CMC1: variants seen among roughly 807,000 people sequenced by gnomAD.
The protein encoded by CMC1 is C-X9-C motif containing 1.
A neutral mutation model predicts 14.1 loss-of-function variants in CMC1; 14 were observed. The ratio of observed to expected loss-of-function variants is 0.99; its 90% CI spans 0.66 to 1.55. The LOEUF is 1.55. Among genes scored for constraint, CMC1 ranks in the 40% most tolerant of loss-of-function variants. The pLI is 0.00. For missense variants in CMC1, 127 were observed against 123.8 expected (o/e 1.03, Z -0.12); for synonymous variants, 50 against 38.4 (o/e 1.30, Z -1.12).
intron 1 of CMC1, 21 bp from the exon 2 acceptor site, chr3:28,263,270 G>C: frequency 6.4e-7 from 1 of 1,550,622 alleles, no homozygotes; most frequent in Non-Finnish European, 8.8e-7. Flanking sequence ...CTTTATTAAA[G>C]AAAGATCTTT....
At chr3:28,252,218 C>G (rs1247687233) in intron 1 of CMC1, among the ~76,000 whole-genome samples, 1 of 152,130 alleles carries the variant, frequency 6.6e-6, no homozygotes, top group Non-Finnish European at 1.5e-5. Flanking sequence ...GAAATAGGTG[C>G]TATTGGGAAA....
At chr3:28,299,216 G>A (rs1701897452) in intron 2 of CMC1, among the ~76,000 whole-genome samples, 1 of 152,026 alleles carries the variant, frequency 6.6e-6, no homozygotes, top group Non-Finnish European at 1.5e-5. Flanking sequence ...CCATGCTATG[G>A]TAGAGTAGAA....
rs1366638817 is a variant in CMC1, at chr3:28,263,289, A to G, written c.20-2A>G. On this transcript the variant is annotated splice_acceptor_variant, in intron 1 of 3. Coordinates refer to ENST00000466830, the MANE Select transcript of CMC1 (RefSeq NM_182523.2). LOFTEE classifies it high-confidence loss of function. ...ATTAAAGAAAGATCTTTTTTTTTTC[A>G]GACCAGCATCTCAGACATGTCGAAA... 3.8e-6 allele frequency: 6 copies of G among 1,580,194 alleles called. No homozygotes were observed. Among genetic ancestry groups the G allele is most frequent in the Non-Finnish European group, 5.1e-6 (6 of 1,166,988 alleles).
At chr3:28,254,001 A>C (rs1208461652) in intron 1 of CMC1, among the ~76,000 whole-genome samples, 1 of 152,228 alleles carries the variant, frequency 6.6e-6, no homozygotes, top group African/African-American at 2.4e-5. Context: ...GCAAGAACAC[A>C]TGAGCCCCAA....
chr3:28,282,563 T>C (rs1700955653), intron 2 of CMC1, among the ~76,000 whole-genome samples: 1 of 152,192 alleles, frequency 6.6e-6, no homozygotes, highest in African/African-American at 2.4e-5. Context: ...AAGAACATAT[T>C]TTAGCTATGT....
chr3:28,324,409 G>A lies in CMC1; in HGVS notation c.*4780G>A. 2.0e-5 allele frequency: 31 copies of A among 1,542,116 alleles called. No individual in the cohort carries two copies. The highest frequency in any genetic ancestry group is 2.7e-5 in the Non-Finnish European group (31 of 1,143,396). Reference sequence around the variant, plus strand: ...AGTAAAATTCATCAAGTGCAGTTTTGTGCTGTCTCTTCCAAGGTCTTCACT... The same window carrying A: ...AGTAAAATTCATCAAGTGCAGTTTTATGCTGTCTCTTCCAAGGTCTTCACT... On this transcript the variant is annotated 3_prime_UTR_variant, in exon 4 of 4. Transcript: ENST00000466830.
chr3:28,264,883 C>T (rs887094607), intron 2 of CMC1, among the ~76,000 whole-genome samples: 2 of 152,046 alleles, frequency 1.3e-5, no homozygotes, highest in African/African-American at 2.4e-5. Context: ...AGAAAGCTAG[C>T]TAACTCAATT....
At position 28,282,779 on chromosome 3, in the gene CMC1, C is replaced by G. The variant is rs1009937356; in HGVS notation, c.109+19399C>G. Among the ~76,000 whole-genome samples the G allele has an allele frequency of 3.3e-5, 5 of 152,134 alleles. No homozygotes were observed. In the East Asian group the frequency reaches 9.6e-4, roughly 29 times the overall value. Reference sequence around the variant, plus strand: ...CTGTTTACATTTAACTTTTTCATCCCTTTGATTCTTCATCATAACCTTAAA... The same window carrying G: ...CTGTTTACATTTAACTTTTTCATCCGTTTGATTCTTCATCATAACCTTAAA... On this transcript the variant is annotated intron_variant, in intron 2 of 3. Transcript: ENST00000466830.
In CMC1 at chr3:28,248,478, C is replaced by T. The variant is rs186361374; in HGVS notation, c.19+6666C>T. 3.8e-3 allele frequency among the ~76,000 whole-genome samples: 577 copies of T among 151,844 alleles called. 8 individuals carry two copies. The highest frequency in any genetic ancestry group is 0.013 in the African/African-American group (548 of 41,474). On this transcript the variant is annotated intron_variant, in intron 1 of 3. Transcript: ENST00000466830. ...ATGAGAAGTAGGGAAAGAGATGTAT[C>T]AGATAATTGCTAAGGTTGCTTCAAG...
intron 2 of CMC1, among the ~76,000 whole-genome samples, chr3:28,302,487 T>C (rs942905775): frequency 2.6e-5 from 4 of 152,162 alleles, no homozygotes; most frequent in African/African-American, 9.7e-5. Context: ...TTAAAAAAGA[T>C]AGAGGGATTT....
intron 2 of CMC1, among the ~76,000 whole-genome samples, chr3:28,287,108 C>G (rs1188395970): frequency 1.3e-5 from 2 of 152,088 alleles, no homozygotes; most frequent in Non-Finnish European, 2.9e-5. Flanking sequence ...ACTCTTTTGT[C>G]TTCTCAGTGT....
chr3:28,279,315 A>C (rs1700747549), intron 2 of CMC1, among the ~76,000 whole-genome samples: 1 of 152,200 alleles, frequency 6.6e-6, no homozygotes, highest in South Asian at 2.1e-4. Context: ...GTGCATGCAT[A>C]CTCAAAGTAA....
intron 1 of CMC1, among the ~76,000 whole-genome samples, chr3:28,252,720 G>A (rs1699192848): frequency 1.3e-5 from 2 of 152,194 alleles, no homozygotes; most frequent in Non-Finnish European, 2.9e-5. Flanking sequence ...CACTCCATGT[G>A]CATGGTGGTG....
intron 2 of CMC1, among the ~76,000 whole-genome samples, chr3:28,289,155 TATTA>T (rs1701343724): frequency 6.6e-6 from 1 of 151,740 alleles, no homozygotes; most frequent in Admixed American, 6.6e-5. Context: ...TGCAAAGCAG[TATTA>T]ATTTAGAGTT....
At chr3:28,312,843 T>C (rs913076714) in intron 2 of CMC1, among the ~76,000 whole-genome samples, 26 of 152,294 alleles carry the variant, frequency 1.7e-4, no homozygotes, top group African/African-American at 6.0e-4. Flanking sequence ...AATTTAATTA[T>C]ATCCAAAGAA....
chr3:28,277,259 T>C (rs972164137), intron 2 of CMC1, among the ~76,000 whole-genome samples: 1 of 152,232 alleles, frequency 6.6e-6, no homozygotes, highest in African/African-American at 2.4e-5. Context: ...ATTGGTTGTC[T>C]CCATTGTATT....
intron 2 of CMC1, among the ~76,000 whole-genome samples, chr3:28,305,779 A>ATTTTTTTTTTTTTTTTTTTTTTTT (rs71087685): frequency 4.6e-5 from 2 of 43,534 alleles, no homozygotes; most frequent in African/African-American, 2.2e-4. Context: ...TTTCATAGGA[A>ATTTTTTTTTTTTTTTTTTTTTTTT]TTTTTTTTTT....
chr3:28,321,697 T>TTCAAG lies in CMC1; in HGVS notation c.*2071_*2075dup. 1 of 151,492 alleles carries TTCAAG rather than the reference T, an allele frequency of 6.6e-6. No homozygotes were observed. The highest frequency in any genetic ancestry group is 2.4e-5 in the African/African-American group (1 of 41,482). The allele number at this position is 151,492 out of a possible 1,614,324, so 9.4% of individuals were successfully genotyped here. On this transcript the variant is annotated 3_prime_UTR_variant, in exon 4 of 4. Coordinates refer to ENST00000466830, the MANE Select transcript of CMC1 (RefSeq NM_182523.2). ...ACTTTGTTGTCACATGATTCAGCTC[T>TTCAAG]TCAAGTCTGAATTTTCCCATTTATT...
intron 2 of CMC1, among the ~76,000 whole-genome samples, chr3:28,274,479 C>T (rs904571693): frequency 6.6e-6 from 1 of 152,016 alleles, no homozygotes; most frequent in Admixed American, 6.6e-5. Flanking sequence ...GCTGAGAGGT[C>T]CACTGTTAGT....
Sources: gnomAD v4.1 joint callset for allele counts (sites outside exome capture counted in the v4.1 genomes callset) on GRCh38, gnomAD v4.1.1 for gene constraint, MANE v1.5 for transcripts, NCBI Gene and HGNC (gene_info 2026-07-23, HGNC 2026-07-21) for gene names.